SYT10: variants seen among roughly 807,000 people sequenced by gnomAD.
SYT10 encodes synaptotagmin 10.
Under a neutral mutation model 51.1 loss-of-function variants are expected in SYT10, and 31 were observed. That is an observed-to-expected ratio of 0.61 (90% confidence interval 0.46 to 0.82). The LOEUF (loss-of-function observed/expected upper bound fraction) is 0.82. SYT10 is among the 40% of genes least tolerant of loss of function. SYT10 has a pLI of 0.00. For synonymous variants in SYT10, 233 were observed against 225.9 expected (o/e 1.03, Z -0.28); for missense variants, 603 against 634.0 (o/e 0.95, Z 0.53).
chr12:33,380,029 A>G, intron 5 of SYT10, 68 bp from the exon 6 acceptor site: 1 of 1,501,670 alleles, frequency 6.7e-7, no homozygotes, highest in South Asian at 1.3e-5. Flanking sequence ...CACAAATCGT[A>G]GTAGAATTTT....
intron 1 of SYT10, among the ~76,000 whole-genome samples, chr12:33,430,703 T>C (rs1403603825): frequency 6.6e-6 from 1 of 152,202 alleles, no homozygotes; most frequent in Admixed American, 6.5e-5. Flanking sequence ...ATTTAGTTCA[T>C]CGGTATTCCA....
chr12:33,403,291 G>A (rs187338362), intron 3 of SYT10, among the ~76,000 whole-genome samples: 108 of 146,882 alleles, frequency 7.4e-4, no homozygotes, highest in Non-Finnish European at 1.2e-3. Context: ...GGTGTGTAGT[G>A]GTGCCATCTT....
chr12:33,410,873 C>T lies in SYT10; in HGVS notation c.510-3517G>A, dbSNP rs1866399231. On this transcript the variant is annotated intron_variant, in intron 2 of 6. Coordinates refer to ENST00000228567, the MANE Select transcript of SYT10 (RefSeq NM_198992.4). ...AGAAATATACACTAAAACATTTTCA[C>T]AATAAAAAGTTAGGATGCCTTTGCT... 2.0e-5 allele frequency among the ~76,000 whole-genome samples: 3 copies of T among 152,132 alleles called. No homozygotes were observed. In the South Asian group the frequency reaches 6.2e-4, roughly 32 times the overall value.
At chr12:33,416,973 G>A (rs1866459713) in intron 2 of SYT10, among the ~76,000 whole-genome samples, 1 of 152,084 alleles carries the variant, frequency 6.6e-6, no homozygotes, top group Non-Finnish European at 1.5e-5. Context: ...GATAGATCCT[G>A]GTAAGAGGGT....
At chr12:33,382,007 G>A (rs1866119257) in intron 5 of SYT10, among the ~76,000 whole-genome samples, 1 of 152,132 alleles carries the variant, frequency 6.6e-6, no homozygotes, top group African/African-American at 2.4e-5. Flanking sequence ...TAAGCATCAT[G>A]ATATTCATAT....
intron 2 of SYT10, among the ~76,000 whole-genome samples, chr12:33,411,526 T>C (rs1290063772): frequency 5.9e-5 from 9 of 152,178 alleles, no homozygotes; most frequent in African/African-American, 1.7e-4. Flanking sequence ...GTAAAATTTG[T>C]AAGGCGATTT....
At chr12:33,394,558 C>G (rs1866237685) in intron 3 of SYT10, among the ~76,000 whole-genome samples, 1 of 152,146 alleles carries the variant, frequency 6.6e-6, no homozygotes, top group Non-Finnish European at 1.5e-5. Flanking sequence ...CAATTAGAAA[C>G]TTTAAATTTT....
At chr12:33,399,017 G>GACAC (rs1866281132) in intron 3 of SYT10, among the ~76,000 whole-genome samples, 1 of 152,182 alleles carries the variant, frequency 6.6e-6, no homozygotes, top group African/African-American at 2.4e-5. Flanking sequence ...CACAGAGAAA[G>GACAC]AGATAGTCTC....
intron 3 of SYT10, among the ~76,000 whole-genome samples, chr12:33,403,165 A>G (rs1866320948): frequency 6.6e-6 from 1 of 152,002 alleles, no homozygotes; most frequent in Non-Finnish European, 1.5e-5. Context: ...AAGAGTTCTT[A>G]AAATTATAAA....
intron 1 of SYT10, 68 bp from the exon 2 acceptor site, chr12:33,426,563 AT>A: frequency 1.6e-6 from 2 of 1,247,106 alleles, no homozygotes; most frequent in Non-Finnish European, 2.2e-6. Context: ...TGGAAAGAAT[AT>A]TTTACATCAT....
At chr12:33,393,973 G>T (rs1399706952) in intron 3 of SYT10, among the ~76,000 whole-genome samples, 1 of 152,226 alleles carries the variant, frequency 6.6e-6, no homozygotes, top group East Asian at 1.9e-4. Flanking sequence ...TGGGAAGAGT[G>T]TCTGGTAAAC....
At chr12:33,391,656 T>C (rs1247242955) in intron 3 of SYT10, among the ~76,000 whole-genome samples, 1 of 151,950 alleles carries the variant, frequency 6.6e-6, no homozygotes, top group Non-Finnish European at 1.5e-5. Context: ...TGTGGAGGGG[T>C]TGCAGTTATA....
At chr12:33,394,079 T>G (rs1866233360) in intron 3 of SYT10, among the ~76,000 whole-genome samples, 1 of 152,234 alleles carries the variant, frequency 6.6e-6, no homozygotes, top group Admixed American at 6.5e-5. Flanking sequence ...AGCAGTCTAC[T>G]TGTTATGATA....
chr12:33,393,590 C>T (rs556309148), intron 3 of SYT10, among the ~76,000 whole-genome samples: 6 of 152,294 alleles, frequency 3.9e-5, no homozygotes, highest in Admixed American at 2.0e-4. Flanking sequence ...TTCTTCTCCA[C>T]GTAATAGCCA....
intron 3 of SYT10, among the ~76,000 whole-genome samples, chr12:33,388,991 G>A (rs1324721307): frequency 6.6e-6 from 1 of 152,180 alleles, no homozygotes; most frequent in South Asian, 2.1e-4. Context: ...TAACTAGAAG[G>A]TCTATTAACC....
chr12:33,429,580 T>C (rs1457829401), intron 1 of SYT10, among the ~76,000 whole-genome samples: 1 of 152,110 alleles, frequency 6.6e-6, no homozygotes, highest in African/African-American at 2.4e-5. Context: ...TGCATAAGGT[T>C]TTTGGTTTGT....
chr12:33,430,589 T>A (rs370925303), intron 1 of SYT10, among the ~76,000 whole-genome samples: 2 of 152,224 alleles, frequency 1.3e-5, no homozygotes, highest in South Asian at 4.1e-4. Context: ...TGTGTCTATC[T>A]GTATCTTTTT....
chr12:33,415,164 C>T (rs1048121067), intron 2 of SYT10, among the ~76,000 whole-genome samples: 2 of 152,196 alleles, frequency 1.3e-5, no homozygotes, highest in Admixed American at 1.3e-4. Flanking sequence ...CAAATTTAGG[C>T]ACATCACTTA....
chr12:33,413,631 G>A (rs1392889222), intron 2 of SYT10, among the ~76,000 whole-genome samples: 1 of 152,166 alleles, frequency 6.6e-6, no homozygotes, highest in Non-Finnish European at 1.5e-5. Context: ...ACAAGTAAAT[G>A]CTGAGAGATT....
Sources: allele counts gnomAD v4.1 joint callset (sites outside exome capture counted in the v4.1 genomes callset), GRCh38; gene constraint gnomAD v4.1.1; transcripts MANE v1.5; gene names NCBI Gene and HGNC (gene_info 2026-07-23, HGNC 2026-07-21).